Variants in IFT122 observed in about 807,000 individuals in gnomAD.
The protein encoded by IFT122 is intraflagellar transport 122.
IFT122 carries 118 observed loss-of-function variants against 161.6 expected under a neutral mutation model. That is an observed-to-expected ratio of 0.73 (90% CI 0.63 to 0.85). IFT122 has a LOEUF of 0.85. IFT122 is among the 40% of genes least tolerant of loss of function. IFT122 has a pLI of 0.00. For missense variants in IFT122, 1,381 were observed against 1,579.6 expected (o/e 0.87, Z 2.13); for synonymous variants, 550 against 602.4 (o/e 0.91, Z 1.27).
intron 17 of IFT122, among the ~76,000 whole-genome samples, chr3:129,494,403 AGTTT>A (rs1321812763): frequency 6.6e-6 from 1 of 152,122 alleles, no homozygotes; most frequent in Non-Finnish European, 1.5e-5. Flanking sequence ...ATTAGGAGTT[AGTTT>A]GTTTGATGAG....
chr3:129,495,350 AG>A (rs2080709188), intron 17 of IFT122, 95 bp from the exon 18 acceptor site: 1 of 1,526,614 alleles, frequency 6.6e-7, no homozygotes. Context: ...AGGAAGGCCC[AG>A]GGGCCTCACT....
At chr3:129,467,192 GCGCCTTC>G in intron 8 of IFT122, 126 bp downstream of exon 8, 4 of 841,710 alleles carry the variant, frequency 4.8e-6, no homozygotes, top group African/African-American at 1.7e-5. Context: ...GTGGGTGAAA[GCGCCTTC>G]AAAAAAAGGA....
chr3:129,520,473 ATATATT>A lies in IFT122; in HGVS notation c.*210_*215del. On this transcript the variant is annotated 3_prime_UTR_variant, in exon 30 of 30. Coordinates refer to ENST00000348417, the MANE Select transcript of IFT122 (RefSeq NM_052989.3). ...CCAGGAGATGAGGAAGAGAATGTACATATATTTTCTAAGGAAAAAAATCTGTTACTT... is the reference window on the plus strand; with the variant it reads ...CCAGGAGATGAGGAAGAGAATGTACATTCTAAGGAAAAAAATCTGTTACTT... The A allele has an allele frequency of 1.6e-6, 1 of 619,272 alleles. No homozygotes were observed. The highest frequency in any genetic ancestry group is 2.9e-6 in the Non-Finnish European group (1 of 345,272). 38.4% of individuals were successfully genotyped at this position (619,272 alleles called of 1,614,324 possible). A position where few individuals can be genotyped will look rare whatever the true frequency, so the allele number is the denominator to read the frequency against.
chr3:129,474,316 C>G (rs2077674565), intron 9 of IFT122, among the ~76,000 whole-genome samples: 1 of 152,046 alleles, frequency 6.6e-6, no homozygotes, highest in African/African-American at 2.4e-5. Flanking sequence ...AAGGAGAAAC[C>G]AGTTCCCTAA....
chr3:129,449,764 A>G, intron 1 of IFT122, 107 bp from the exon 2 acceptor site: 1 of 806,306 alleles, frequency 1.2e-6, no homozygotes, highest in Non-Finnish European at 2.2e-6. Flanking sequence ...TTTTCTCCTC[A>G]GTACACACAC....
chr3:129,511,420 G>A (rs1343558857), intron 23 of IFT122, among the ~76,000 whole-genome samples: 1 of 152,182 alleles, frequency 6.6e-6, no homozygotes, highest in Non-Finnish European at 1.5e-5. Flanking sequence ...ACCAATTAGG[G>A]GTTAAGCTTT....
At position 129,462,624 on chromosome 3, in the gene IFT122, G is replaced by C. The variant is rs113777977; in HGVS notation, c.350-936G>C. ...TGGAACACAGATAACATGTGCACAC[G>C]TCAAAATGTTTGGAGGAAGCGTTCT... On this transcript the variant is annotated intron_variant, in intron 5 of 29. Transcript: ENST00000348417. 4.4e-3 allele frequency among the ~76,000 whole-genome samples: 676 copies of C among 152,334 alleles called. 8 individuals carry two copies. Among genetic ancestry groups the C allele is most frequent in the African/African-American group, 0.016 (658 of 41,586 alleles).
At chr3:129,468,187 C>G (rs566924994) in intron 8 of IFT122, among the ~76,000 whole-genome samples, 1 of 152,348 alleles carries the variant, frequency 6.6e-6, no homozygotes, top group African/African-American at 2.4e-5. Flanking sequence ...ATTTGCCACT[C>G]TTGGCTGGGT....
chr3:129,479,865 G>GGTGATC lies in IFT122; in HGVS notation c.1433_1438dup (p.Val478_Ile479dup). 1 of 1,614,080 alleles carries GGTGATC rather than the reference G, an allele frequency of 6.2e-7. No homozygotes were observed. Among genetic ancestry groups the GGTGATC allele is most frequent in the Non-Finnish European group, 8.5e-7 (1 of 1,180,022 alleles). On this transcript the variant is annotated inframe_insertion, in exon 13 of 30. Transcript: ENST00000348417. ...TGGAGTCTCTCATTCGTTACATCAA[G>GGTGATC]GTGATCGGTGGCCCTCCTGGAAGAG...
At chr3:129,506,376 T>G (rs919321111) in intron 21 of IFT122, 33 bp from the exon 22 acceptor site, 1 of 1,610,518 alleles carries the variant, frequency 6.2e-7, no homozygotes, top group Non-Finnish European at 8.5e-7. Flanking sequence ...CTAAATAGCA[T>G]GTGCTTTTTT....
chr3:129,488,184 G>T (rs2079550946), intron 15 of IFT122, 73 bp from the exon 16 acceptor site: 8 of 1,611,160 alleles, frequency 5.0e-6, no homozygotes, highest in African/African-American at 1.3e-5. Flanking sequence ...CTGGAGGCAG[G>T]CTCTGTATGC....
chr3:129,449,245 T>C (rs1429889412), intron 1 of IFT122, among the ~76,000 whole-genome samples: 1 of 152,214 alleles, frequency 6.6e-6, no homozygotes, highest in African/African-American at 2.4e-5. Context: ...ATCTAATAGG[T>C]CATTGATTAT....
intron 4 of IFT122, chr3:129,459,324 C>T (rs1317954597): frequency 6.6e-6 from 3 of 452,020 alleles, no homozygotes; most frequent in African/African-American, 2.0e-5. Context: ...GAGTCTTGCT[C>T]TGTTGCCCAG....
intron 5 of IFT122, chr3:129,461,594 G>A: frequency 2.2e-6 from 1 of 455,698 alleles, no homozygotes; most frequent in Admixed American, 3.4e-5. Flanking sequence ...GCTGCCTTTG[G>A]GAAGCCTTCC....
At chr3:129,502,449 T>C (rs1189112933) in intron 19 of IFT122, among the ~76,000 whole-genome samples, 1 of 152,190 alleles carries the variant, frequency 6.6e-6, no homozygotes, top group Non-Finnish European at 1.5e-5. Flanking sequence ...TAGGAGATAA[T>C]TGTTTCTATA....
chr3:129,484,153 G>C (rs1459579247), intron 15 of IFT122, among the ~76,000 whole-genome samples: 1 of 152,066 alleles, frequency 6.6e-6, no homozygotes, highest in Non-Finnish European at 1.5e-5. Flanking sequence ...CTCTGCACAA[G>C]CTCTCTGAAC....
At chr3:129,496,910 A>G (rs542999540) in intron 18 of IFT122, among the ~76,000 whole-genome samples, 36 of 152,268 alleles carry the variant, frequency 2.4e-4, no homozygotes, top group African/African-American at 8.4e-4. Context: ...CCCTTAAGGG[A>G]TCAAGACCCT....
rs878894212 is a variant in IFT122 at position 129,514,659 on chromosome 3, T to C, written c.3153+105T>C. ...CCGTTTGAAGAGAGACAGCTGCAGC[T>C]CCCTCTAGGCTCTGTGCCCCCTGCT... On this transcript the variant is annotated intron_variant, in intron 25 of 29. Transcript: ENST00000348417. 7.6e-6 allele frequency: 10 copies of C among 1,317,548 alleles called. No homozygotes were observed. The South Asian group carries it at 9.5e-5, about 13-fold the overall frequency. The allele number at this position is 1,317,548 out of a possible 1,614,324, so 81.6% of individuals were successfully genotyped here. A position where few individuals can be genotyped will look rare whatever the true frequency, so the allele number is the denominator to read the frequency against.
intron 6 of IFT122, 143 bp downstream of exon 6, chr3:129,463,769 G>C: frequency 2.9e-6 from 2 of 689,144 alleles, no homozygotes; most frequent in South Asian, 3.2e-5. Flanking sequence ...TTCTTTCTTC[G>C]TCTCCTCGAT....
Sources: gnomAD v4.1 joint callset for allele counts (sites outside exome capture counted in the v4.1 genomes callset) on GRCh38, gnomAD v4.1.1 for gene constraint, MANE v1.5 for transcripts, NCBI Gene and HGNC (gene_info 2026-07-23, HGNC 2026-07-21) for gene names.